FBN2: variants seen among roughly 807,000 people sequenced by gnomAD.
FBN2 encodes fibrillin-2.
Under a neutral mutation model 355.6 loss-of-function variants are expected in FBN2, and 105 were observed. The observed-to-expected ratio is 0.30, with a 90% CI of 0.25 to 0.35. The LOEUF is 0.35. FBN2 is among the 10% of genes least tolerant of loss of function. The probability of loss-of-function intolerance (pLI) is 1.00; values close to 1 mark genes in which losing one functional copy is unlikely to be tolerated. For missense variants in FBN2, 3,280 were observed against 3,758.7 expected (o/e 0.87, Z 3.33); for synonymous variants, 1,350 against 1,301.2 (o/e 1.04, Z -0.81).
intron 2 of FBN2, 44 bp from the exon 3 acceptor site, chr5:128,530,737 A>ATAGTT: frequency 8.1e-7 from 1 of 1,230,734 alleles, no homozygotes; most frequent in Non-Finnish European, 1.2e-6. Context: ...ACTATATAAT[A>ATAGTT]AACCATAGTT....
chr5:128,364,189 T>A (rs1435918081), intron 18 of FBN2, among the ~76,000 whole-genome samples: 1 of 152,220 alleles, frequency 6.6e-6, no homozygotes, highest in Non-Finnish European at 1.5e-5. Flanking sequence ...GTTGTCATGT[T>A]TAGGTATATT....
chr5:128,276,308 T>G, intron 58 of FBN2, 148 bp from the exon 59 acceptor site: 1 of 788,322 alleles, frequency 1.3e-6, no homozygotes, highest in Non-Finnish European at 2.1e-6. Context: ...CACAGAAGGA[T>G]TTTTTCTAAA....
intron 7 of FBN2, among the ~76,000 whole-genome samples, chr5:128,409,230 T>C (rs1753007130): frequency 6.6e-6 from 1 of 152,076 alleles, no homozygotes; most frequent in Non-Finnish European, 1.5e-5. Context: ...CAATGAAGAG[T>C]GGCAAATAAC....
chr5:128,319,058 T>A, intron 34 of FBN2, 57 bp from the exon 35 acceptor site: 5 of 1,389,824 alleles, frequency 3.6e-6, no homozygotes, highest in Non-Finnish European at 5.1e-6. Flanking sequence ...AAAATTTTAA[T>A]GTAATGTCTA....
chr5:128,528,707 T>C (rs946822229), intron 3 of FBN2, among the ~76,000 whole-genome samples: 2 of 152,162 alleles, frequency 1.3e-5, no homozygotes, highest in Admixed American at 1.3e-4. Context: ...CAGGGCCTCC[T>C]CGGCCACCGA....
At chr5:128,395,635 T>C (rs946065970) in intron 8 of FBN2, among the ~76,000 whole-genome samples, 1 of 152,200 alleles carries the variant, frequency 6.6e-6, no homozygotes, top group Admixed American at 6.5e-5. Flanking sequence ...TTTATAAAAG[T>C]TGATCAGATG....
chr5:128,472,646 C>T (rs1015682186), intron 5 of FBN2, among the ~76,000 whole-genome samples: 3 of 151,978 alleles, frequency 2.0e-5, no homozygotes, highest in African/African-American at 7.2e-5. Context: ...ACGAAATTAG[C>T]TAGGCATGGT....
At chr5:128,297,354 C>T (rs60488256) in intron 48 of FBN2, among the ~76,000 whole-genome samples, 7,369 of 151,984 alleles carry the variant, frequency 0.048, 588 homozygotes, top group African/African-American at 0.16. Context: ...CTATTAGGTC[C>T]GCTTGGTGCA....
At chr5:128,365,651 AAT>A (rs1056248673) in intron 17 of FBN2, among the ~76,000 whole-genome samples, 4 of 150,064 alleles carry the variant, frequency 2.7e-5, no homozygotes, top group Admixed American at 6.7e-5. Context: ...AATATACATA[AAT>A]ATATATATAT....
Position 128,392,103 on chromosome 5 carries a change from T to C in FBN2, c.1518A>G (p.Leu506=), listed in dbSNP as rs1752530993. 1.2e-6 allele frequency: 2 copies of C among 1,613,502 alleles called. No homozygotes were observed. Among genetic ancestry groups the C allele is most frequent in the Non-Finnish European group, 8.5e-7 (1 of 1,179,616 alleles). Residue 506 remains leucine, a synonymous_variant, in exon 11 of 65, where the codon TTA becomes TTG. Transcript: ENST00000262464. ...DICKHHANLC[L]NGRCIPTVSS... is the part of the protein sequence containing the mutation. ...AGACAGTTGGTATACAGCGTCCATT[T>C]AAACAAAGGTTAGCATGATGCTTAC... is the stretch of plus-strand genomic sequence containing the variant.
chr5:128,391,983 A>T (rs760277407), intron 11 of FBN2, 35 bp downstream of exon 11: 1 of 1,599,530 alleles, frequency 6.3e-7, no homozygotes, highest in Non-Finnish European at 8.6e-7. Context: ...CTACTAAAAA[A>T]ACTAAGAAGG....
chr5:128,504,946 T>C (rs1038097997), intron 5 of FBN2, among the ~76,000 whole-genome samples: 1 of 152,170 alleles, frequency 6.6e-6, no homozygotes, highest in African/African-American at 2.4e-5. Flanking sequence ...TAGGTGAAGA[T>C]AGCTGAATTA....
intron 16 of FBN2, among the ~76,000 whole-genome samples, chr5:128,367,212 C>T (rs908545690): frequency 6.6e-6 from 1 of 152,222 alleles, no homozygotes; most frequent in East Asian, 1.9e-4. Flanking sequence ...GATAGTTCTT[C>T]CCCTCCTAAA....
chr5:128,496,439 T>A (rs141706158), intron 5 of FBN2, among the ~76,000 whole-genome samples: 2,707 of 152,174 alleles, frequency 0.018, 27 homozygotes, highest in Middle Eastern at 0.041. Context: ...AGCATCTCAA[T>A]ATACACAGAA....
chr5:128,308,705 C>A (rs1749952067), intron 41 of FBN2, among the ~76,000 whole-genome samples: 1 of 152,058 alleles, frequency 6.6e-6, no homozygotes, highest in African/African-American at 2.4e-5. Context: ...CAAGTGAAGA[C>A]AAGCTCTATT....
chr5:128,470,156 G>A (rs1754818139), intron 5 of FBN2, among the ~76,000 whole-genome samples: 10 of 152,188 alleles, frequency 6.6e-5, no homozygotes. Context: ...AGATGGGAGA[G>A]CAACAGGAGA....
intron 6 of FBN2, among the ~76,000 whole-genome samples, chr5:128,454,003 G>A (rs1754323547): frequency 6.7e-6 from 1 of 148,826 alleles, no homozygotes; most frequent in African/African-American, 2.5e-5. Flanking sequence ...CCCCCCCCAA[G>A]TTTCTCCTTC....
intron 12 of FBN2, 75 bp downstream of exon 12, chr5:128,378,696 T>C (rs1248502333): frequency 1.5e-5 from 22 of 1,507,254 alleles, no homozygotes; most frequent in Non-Finnish European, 2.0e-5. Flanking sequence ...TTTTAATAAA[T>C]TTACTTTTAA....
At chr5:128,357,050 T>A (rs570492434) in intron 20 of FBN2, among the ~76,000 whole-genome samples, 3 of 152,328 alleles carry the variant, frequency 2.0e-5, no homozygotes, top group South Asian at 4.1e-4. Flanking sequence ...ATAATATATC[T>A]ACTTATATAA....
Sources: allele counts gnomAD v4.1 joint callset (sites outside exome capture counted in the v4.1 genomes callset), GRCh38; gene constraint gnomAD v4.1.1; transcripts MANE v1.5; gene names NCBI Gene and HGNC (gene_info 2026-07-23, HGNC 2026-07-21).